CMIP: variants seen among roughly 807,000 people sequenced by gnomAD.
CMIP encodes C-Maf-inducing protein.
In CMIP, 13 loss-of-function variants were observed where a neutral mutation model predicts 97.3. The observed-to-expected ratio is 0.13, with a 90% CI of 0.09 to 0.21. CMIP has a LOEUF of 0.21. CMIP is among the 10% of genes least tolerant of loss of function. CMIP has a pLI of 1.00. For synonymous variants in CMIP, 538 were observed against 436.3 expected (o/e 1.23, Z -2.91); for missense variants, 847 against 1,024.9 (o/e 0.83, Z 2.37).
At chr16:81,446,979 A>C (rs1905889180) in intron 1 of CMIP, among the ~76,000 whole-genome samples, 1 of 151,906 alleles carries the variant, frequency 6.6e-6, no homozygotes, top group Non-Finnish European at 1.5e-5. Context: ...CTCCTTTTTC[A>C]GGGAGGATTG....
intron 7 of CMIP, chr16:81,666,965 GGT>G (rs1567646249): frequency 1.7e-5 from 2 of 117,048 alleles, no homozygotes; most frequent in South Asian, 2.5e-4. Context: ...GCTCTCAGCT[GGT>G]GTGGGGGGGG....
At chr16:81,547,391 C>G (rs938924129) in intron 1 of CMIP, among the ~76,000 whole-genome samples, 7 of 152,182 alleles carry the variant, frequency 4.6e-5, no homozygotes, top group African/African-American at 1.7e-4. Flanking sequence ...GCTCCAGGCT[C>G]CCTGCTGGCC....
At chr16:81,529,414 G>T (rs1256482524) in intron 1 of CMIP, among the ~76,000 whole-genome samples, 7 of 152,172 alleles carry the variant, frequency 4.6e-5, no homozygotes, top group Non-Finnish European at 1.0e-4. Flanking sequence ...GATGGCTCTG[G>T]ATCTGTCAGC....
chr16:81,497,624 T>G (rs1215384498), intron 1 of CMIP, among the ~76,000 whole-genome samples: 1 of 152,222 alleles, frequency 6.6e-6, no homozygotes, highest in African/African-American at 2.4e-5. Flanking sequence ...GCAGACTGGC[T>G]CTCCGAGGGT....
chr16:81,525,418 C>A (rs1254283751), intron 1 of CMIP, among the ~76,000 whole-genome samples: 1 of 152,210 alleles, frequency 6.6e-6, no homozygotes, highest in Non-Finnish European at 1.5e-5. Context: ...GCTGGGATTA[C>A]AAGCATGAGC....
At chr16:81,487,646 C>A (rs1032424784) in intron 1 of CMIP, among the ~76,000 whole-genome samples, 2 of 152,354 alleles carry the variant, frequency 1.3e-5, no homozygotes, top group African/African-American at 4.8e-5. Context: ...CTCTGTGACA[C>A]TGGGCAAGTC....
At chr16:81,604,649 G>A (rs1021166881) in intron 1 of CMIP, among the ~76,000 whole-genome samples, 5 of 152,156 alleles carry the variant, frequency 3.3e-5, no homozygotes, top group African/African-American at 1.2e-4. Flanking sequence ...GCAGTGAGCC[G>A]AGATCGCGCC....
At chr16:81,539,370 A>AG (rs11375425) in intron 1 of CMIP, among the ~76,000 whole-genome samples, 6,887 of 152,218 alleles carry the variant, frequency 0.045, 520 homozygotes, top group African/African-American at 0.16. Flanking sequence ...CTGGCTGTTC[A>AG]GGGGGTCTTG....
chr16:81,596,606 C>T (rs1311090118), intron 1 of CMIP, among the ~76,000 whole-genome samples: 1 of 152,036 alleles, frequency 6.6e-6, no homozygotes, highest in East Asian at 1.9e-4. Flanking sequence ...AAGTGAACAC[C>T]CTGTATCACC....
At chr16:81,693,633 C>T (rs569898046) in intron 13 of CMIP, 146 bp downstream of exon 13, 32 of 865,722 alleles carry the variant, frequency 3.7e-5, no homozygotes, top group African/African-American at 2.9e-4. Flanking sequence ...AACACATCCC[C>T]GCCTGGTGCA....
At chr16:81,629,270 C>A (rs898792176) in intron 3 of CMIP, among the ~76,000 whole-genome samples, 9 of 151,986 alleles carry the variant, frequency 5.9e-5, no homozygotes, top group Non-Finnish European at 1.2e-4. Flanking sequence ...CGCTGTCAGA[C>A]CACCTCTCCC....
chr16:81,529,355 C>G (rs1341346823), intron 1 of CMIP, among the ~76,000 whole-genome samples: 2 of 152,038 alleles, frequency 1.3e-5, no homozygotes, highest in Non-Finnish European at 2.9e-5. Flanking sequence ...TCAGTGAGCC[C>G]CGAGTCACCG....
At chr16:81,540,069 C>T (rs773347470) in intron 1 of CMIP, among the ~76,000 whole-genome samples, 3 of 152,188 alleles carry the variant, frequency 2.0e-5, no homozygotes, top group Non-Finnish European at 2.9e-5. Flanking sequence ...TAATCTCAGC[C>T]ACCTTGAAAG....
At chr16:81,549,087 C>G (rs957375400) in intron 1 of CMIP, among the ~76,000 whole-genome samples, 12 of 152,146 alleles carry the variant, frequency 7.9e-5, no homozygotes, top group African/African-American at 1.9e-4. Context: ...AGGGCGTGGC[C>G]CAAAGCCAGA....
intron 3 of CMIP, among the ~76,000 whole-genome samples, chr16:81,638,926 C>A (rs1346532514): frequency 5.3e-5 from 8 of 152,206 alleles, no homozygotes; most frequent in African/African-American, 1.9e-4. Flanking sequence ...ACACCCGGCC[C>A]ACCCGTGCAG....
At chr16:81,580,089 CA>C (rs2091270310) in intron 1 of CMIP, among the ~76,000 whole-genome samples, 1 of 152,230 alleles carries the variant, frequency 6.6e-6, no homozygotes, top group East Asian at 1.9e-4. Flanking sequence ...TTGGGGCTCC[CA>C]AGAGTTCATT....
intron 1 of CMIP, among the ~76,000 whole-genome samples, chr16:81,510,516 C>T (rs1413009264): frequency 6.6e-6 from 1 of 152,074 alleles, no homozygotes; most frequent in African/African-American, 2.4e-5. Context: ...TGAGGTTTAG[C>T]AAGCAAAGGG....
At chr16:81,458,317 G>C (rs570099845) in intron 1 of CMIP, among the ~76,000 whole-genome samples, 1 of 152,282 alleles carries the variant, frequency 6.6e-6, no homozygotes, top group Non-Finnish European at 1.5e-5. Flanking sequence ...GAGTTGGCAT[G>C]CAGGTTCTAC....
At chr16:81,685,771 C>T (rs1251021091) in intron 10 of CMIP, among the ~76,000 whole-genome samples, 1 of 150,952 alleles carries the variant, frequency 6.6e-6, no homozygotes, top group Non-Finnish European at 1.5e-5. Flanking sequence ...TTTATGTTGC[C>T]CAAGCCAGTC....
Sources: gnomAD v4.1 joint callset for allele counts (sites outside exome capture counted in the v4.1 genomes callset) on GRCh38, gnomAD v4.1.1 for gene constraint, MANE v1.5 for transcripts, NCBI Gene and HGNC (gene_info 2026-07-23, HGNC 2026-07-21) for gene names.